Variants in TACC2 observed in about 807,000 individuals in gnomAD.
TACC2 encodes the protein transforming acidic coiled-coil-containing protein 2.
TACC2 carries 137 observed loss-of-function variants against 227.3 expected under a neutral mutation model. The ratio of observed to expected loss-of-function variants is 0.60; its 90% CI spans 0.52 to 0.69. TACC2 has a LOEUF of 0.69. Among genes scored for constraint, TACC2 ranks in the 30% least tolerant of loss-of-function variants. The pLI, the probability that TACC2 is intolerant of heterozygous loss-of-function variation, is 0.00. For synonymous variants in TACC2, 1,523 were observed against 1,487.5 expected (o/e 1.02, Z -0.55); for missense variants, 3,470 against 3,694.4 (o/e 0.94, Z 1.57).
At chr10:122,028,299 A>C (rs1958362136) in intron 2 of TACC2, among the ~76,000 whole-genome samples, 1 of 151,170 alleles carries the variant, frequency 6.6e-6, no homozygotes, top group Non-Finnish European at 1.5e-5. Flanking sequence ...TATGTTGGCC[A>C]GGCTGGTCTC....
intron 7 of TACC2, among the ~76,000 whole-genome samples, chr10:122,164,403 G>A (rs1407749851): frequency 1.3e-5 from 2 of 152,232 alleles, no homozygotes; most frequent in Admixed American, 6.5e-5. Context: ...GGGCAGCTGC[G>A]CTTGTGGCTG....
At chr10:122,121,498 A>G (rs1024024126) in intron 5 of TACC2, among the ~76,000 whole-genome samples, 2 of 152,096 alleles carry the variant, frequency 1.3e-5, no homozygotes, top group Non-Finnish European at 2.9e-5. Context: ...CACCTGCCCT[A>G]TCCTACCTCT....
intron 16 of TACC2, among the ~76,000 whole-genome samples, chr10:122,230,870 G>T (rs1339441248): frequency 6.6e-6 from 1 of 152,062 alleles, no homozygotes; most frequent in Non-Finnish European, 1.5e-5. Flanking sequence ...TTTTCTGCAA[G>T]TTAACATCTG....
At chr10:122,237,625 C>A in intron 17 of TACC2, 87 bp downstream of exon 17, 1 of 1,497,476 alleles carries the variant, frequency 6.7e-7, no homozygotes, top group Non-Finnish European at 9.0e-7. Flanking sequence ...TCTTTGGAGA[C>A]AGACTTTGTC....
At chr10:122,114,900 C>T (rs2084360951) in intron 5 of TACC2, among the ~76,000 whole-genome samples, 1 of 152,152 alleles carries the variant, frequency 6.6e-6, no homozygotes. Flanking sequence ...GTTCAAGAAA[C>T]GTGCTTGAAC....
chr10:122,041,992 C>A (rs1405231835), intron 2 of TACC2, among the ~76,000 whole-genome samples: 2 of 152,228 alleles, frequency 1.3e-5, no homozygotes, highest in African/African-American at 2.4e-5. Context: ...GTCACCCAGG[C>A]TGGAGTGCAG....
intron 6 of TACC2, among the ~76,000 whole-genome samples, chr10:122,137,782 T>A (rs114218461): frequency 0.025 from 3,829 of 152,228 alleles, 163 homozygotes; most frequent in African/African-American, 0.087. Context: ...GCATTTCCAG[T>A]CCTTGGAGAA....
chr10:122,154,575 G>T (rs1198591590), intron 7 of TACC2, among the ~76,000 whole-genome samples: 1 of 152,166 alleles, frequency 6.6e-6, no homozygotes, highest in African/African-American at 2.4e-5. Flanking sequence ...CAGGAATTTG[G>T]TCAGTCTGTT....
At chr10:122,111,143 C>A (rs1317658526) in intron 5 of TACC2, among the ~76,000 whole-genome samples, 3 of 152,216 alleles carry the variant, frequency 2.0e-5, no homozygotes, top group Non-Finnish European at 4.4e-5. Flanking sequence ...TCCAGGATAG[C>A]CTCCCTACTT....
intron 1 of TACC2, among the ~76,000 whole-genome samples, chr10:122,016,473 A>T (rs759838258): frequency 1.1e-4 from 17 of 151,528 alleles, no homozygotes; most frequent in Non-Finnish European, 2.2e-4. Context: ...AGGCTGAGGC[A>T]GAAGAATTGC....
In TACC2 at chr10:122,159,934, G is replaced by A. The variant is rs2092718567; in HGVS notation, c.5834+16228G>A. On this transcript the variant is annotated intron_variant, in intron 7 of 22. Coordinates refer to ENST00000369005, the MANE Select transcript of TACC2 (RefSeq NM_206862.4). ...GGAGCCACTCACCTTTGTTTTTCTT[G>A]GGGTGTCAGAGGGGTCTCAAACTAC... Among the ~76,000 whole-genome samples, 5 of 152,214 alleles carry A rather than the reference G, an allele frequency of 3.3e-5. No homozygotes were observed. In the South Asian group the frequency reaches 1.0e-3, roughly 32 times the overall value.
intron 18 of TACC2, among the ~76,000 whole-genome samples, chr10:122,240,523 C>T (rs1245031416): frequency 6.6e-6 from 1 of 152,154 alleles, no homozygotes; most frequent in Non-Finnish European, 1.5e-5. Context: ...ATTTCCCATA[C>T]AGCCCTGAAA....
At chr10:122,128,107 C>T (rs1279131107) in intron 5 of TACC2, among the ~76,000 whole-genome samples, 3 of 150,732 alleles carry the variant, frequency 2.0e-5, no homozygotes, top group Non-Finnish European at 3.0e-5. Context: ...GGCCTGAGAG[C>T]GAGGGACAAG....
chr10:122,241,947 T>A lies in TACC2; in HGVS notation c.8349-11T>A. 1 of 1,613,974 alleles carries A rather than the reference T, an allele frequency of 6.2e-7. No homozygotes were observed. Among genetic ancestry groups the A allele is most frequent in the African/African-American group, 1.3e-5 (1 of 75,058 alleles). ...TGTCATGACTCCAACGTGTCTTTAC[T>A]TCTCTTATAGGAAAATAGTGGCCGA... On this transcript the variant is annotated splice_polypyrimidine_tract_variant and intron_variant, in intron 18 of 22. Coordinates refer to ENST00000369005, the MANE Select transcript of TACC2 (RefSeq NM_206862.4).
intron 9 of TACC2, chr10:122,213,330 TTCTTG>T: frequency 1.2e-6 from 2 of 1,611,170 alleles, no homozygotes; most frequent in South Asian, 1.1e-5. Context: ...TTTCTTTGTC[TTCTTG>T]TCTTAGGATG....
In TACC2 at chr10:122,254,170, G is replaced by T; in HGVS notation, c.*114G>T. 1.2e-6 allele frequency: 1 copy of T among 836,234 alleles called. No individual in the cohort carries two copies. The highest frequency in any genetic ancestry group is 2.1e-6 in the Non-Finnish European group (1 of 476,422). 51.8% of individuals were successfully genotyped at this position (836,234 alleles called of 1,614,324 possible). A position where few individuals can be genotyped will look rare whatever the true frequency, so the allele number is the denominator to read the frequency against. On this transcript the variant is annotated 3_prime_UTR_variant, in exon 23 of 23. Transcript: ENST00000369005. The stretch of plus-strand genomic sequence containing the variant: ...TTTTCACTTTTTCGTATGCACTACT[G>T]TATTTCCTTTCTAAATAAAATTGAT...
At position 122,216,070 on chromosome 10, in the gene TACC2, C is replaced by T. The variant is rs967654418; in HGVS notation, c.7345-557C>T. ...CTCCAAATCTGAGCCAGCAAAGCCC[C>T]AGCCTGCAGACCCTGGCCAGAGTGG... On this transcript the variant is annotated intron_variant, in intron 10 of 22. Coordinates refer to ENST00000369005, the MANE Select transcript of TACC2 (RefSeq NM_206862.4). 1.7e-4 allele frequency among the ~76,000 whole-genome samples: 26 copies of T among 152,196 alleles called. 1 individual carries two copies. Among genetic ancestry groups the T allele is most frequent in the African/African-American group, 5.8e-4 (24 of 41,444 alleles).
intron 1 of TACC2, among the ~76,000 whole-genome samples, chr10:122,018,165 C>G (rs1042774064): frequency 1.3e-5 from 2 of 152,108 alleles, no homozygotes; most frequent in African/African-American, 4.8e-5. Flanking sequence ...TTGTTCCCCT[C>G]TCTGTGTCCA....
At chr10:122,081,437 A>T (rs1312840358) in intron 3 of TACC2, among the ~76,000 whole-genome samples, 1 of 150,634 alleles carries the variant, frequency 6.6e-6, no homozygotes, top group Admixed American at 6.7e-5. Flanking sequence ...CTGAGGCAGG[A>T]GAATGGCGTG....
Sources: gnomAD v4.1 joint callset for allele counts (sites outside exome capture counted in the v4.1 genomes callset) on GRCh38, gnomAD v4.1.1 for gene constraint, MANE v1.5 for transcripts, NCBI Gene and HGNC (gene_info 2026-07-23, HGNC 2026-07-21) for gene names.